Variants in FAM78B observed in about 807,000 individuals in gnomAD.
The protein encoded by FAM78B is protein FAM78B.
A neutral mutation model predicts 20.0 loss-of-function variants in FAM78B; 10 were observed. The observed-to-expected ratio is 0.50, with a 90% confidence interval of 0.31 to 0.85. The LOEUF (loss-of-function observed/expected upper bound fraction) is 0.85. FAM78B is among the 40% of genes least tolerant of loss of function. The probability of loss-of-function intolerance (pLI) is 0.05; values close to 1 mark genes in which losing one functional copy is unlikely to be tolerated. For synonymous variants in FAM78B, 135 were observed against 132.8 expected (o/e 1.02, Z -0.12); for missense variants, 283 against 345.0 (o/e 0.82, Z 1.42).
intron 1 of FAM78B, among the ~76,000 whole-genome samples, chr1:166,161,015 T>C (rs1333357517): frequency 6.6e-6 from 1 of 152,164 alleles, no homozygotes; most frequent in East Asian, 1.9e-4. Context: ...GCTAGAGCAG[T>C]GCAGGGAGGA....
At chr1:166,122,284 G>A (rs1462089920) in intron 1 of FAM78B, among the ~76,000 whole-genome samples, 2 of 152,158 alleles carry the variant, frequency 1.3e-5, no homozygotes, top group Non-Finnish European at 2.9e-5. Flanking sequence ...CCTGAAAGCA[G>A]GAGAGATGGA....
intron 1 of FAM78B, among the ~76,000 whole-genome samples, chr1:166,156,690 G>T (rs1655909268): frequency 6.6e-6 from 1 of 152,186 alleles, no homozygotes; most frequent in African/African-American, 2.4e-5. Flanking sequence ...CTTAAAAATA[G>T]CTTTGGACAC....
At chr1:166,105,358 A>G (rs1231060625) in intron 1 of FAM78B, among the ~76,000 whole-genome samples, 164 of 152,190 alleles carry the variant, frequency 1.1e-3, no homozygotes, top group African/African-American at 3.7e-3. Context: ...GACAAATGGG[A>G]TCTAATTAAA....
intron 1 of FAM78B, among the ~76,000 whole-genome samples, chr1:166,103,457 A>G (rs747577632): frequency 1.5e-4 from 23 of 152,288 alleles, no homozygotes; most frequent in Admixed American, 3.9e-4. Flanking sequence ...AGACGTTAGC[A>G]AGACTAATAA....
chr1:166,086,203 C>A (rs1652822458), intron 1 of FAM78B, among the ~76,000 whole-genome samples: 1 of 152,024 alleles, frequency 6.6e-6, no homozygotes, highest in Admixed American at 6.6e-5. Flanking sequence ...TACCTTTGAC[C>A]CCTCTTCCTG....
At chr1:166,082,163 G>A (rs10800182) in intron 1 of FAM78B, among the ~76,000 whole-genome samples, 152,288 of 152,290 alleles carry the variant, frequency 1, 76,143 homozygotes, top group Non-Finnish European at 1. Context: ...ACTGCACCCA[G>A]ATGTCCATGT....
At chr1:166,161,901 A>G (rs944780485) in intron 1 of FAM78B, among the ~76,000 whole-genome samples, 3 of 152,198 alleles carry the variant, frequency 2.0e-5, no homozygotes, top group Non-Finnish European at 2.9e-5. Context: ...GAAGACACAC[A>G]CACATCTGGA....
chr1:166,142,942 T>C (rs1655332876), intron 1 of FAM78B, among the ~76,000 whole-genome samples: 1 of 152,114 alleles, frequency 6.6e-6, no homozygotes, highest in Non-Finnish European at 1.5e-5. Flanking sequence ...GAGAGGGCCA[T>C]GGTTTGGTCA....
At chr1:166,146,307 G>A (rs984345710) in intron 1 of FAM78B, among the ~76,000 whole-genome samples, 2 of 152,178 alleles carry the variant, frequency 1.3e-5, no homozygotes, top group African/African-American at 4.8e-5. Flanking sequence ...AAGGCATTAT[G>A]TTTATTTAGG....
At position 166,070,414 on chromosome 1, in the gene FAM78B, A is replaced by G. The variant is rs776689898; in HGVS notation, c.613T>C (p.Leu205=). 14 of 1,614,076 alleles carry G rather than the reference A, an allele frequency of 8.7e-6. No homozygotes were observed. In the South Asian group the frequency reaches 1.4e-4, roughly 16 times the overall value. Residue 205 remains leucine, a synonymous_variant, in exon 2 of 2, where the codon TTG becomes CTG. Transcript: ENST00000354422. The part of the protein sequence containing the change: ...VDIEVDPLQL[L]GQRARLVGRT... ...CCCACCAGCCGGGCCCGCTGCCCCA[A>G]GAGCTGAAGAGGGTCCACTTCAATG...
intron 1 of FAM78B, among the ~76,000 whole-genome samples, chr1:166,116,276 C>A (rs1382196853): frequency 6.6e-6 from 1 of 152,210 alleles, no homozygotes; most frequent in Non-Finnish European, 1.5e-5. Context: ...CTGACCAGAA[C>A]CAGAGATGGG....
At chr1:166,061,549 G>A (rs7541280) in intron 2 of FAM78B, among the ~76,000 whole-genome samples, 6,353 of 152,234 alleles carry the variant, frequency 0.042, 416 homozygotes, top group African/African-American at 0.14. Context: ...ATTGTTTGAA[G>A]TCAGTAGACA....
chr1:166,076,248 C>T (rs943416231), intron 1 of FAM78B, among the ~76,000 whole-genome samples: 2 of 152,122 alleles, frequency 1.3e-5, no homozygotes, highest in Non-Finnish European at 2.9e-5. Flanking sequence ...GCTCATGTGG[C>T]CCTACATGAT....
At chr1:166,082,224 C>T (rs1270364455) in intron 1 of FAM78B, among the ~76,000 whole-genome samples, 9 of 152,242 alleles carry the variant, frequency 5.9e-5, no homozygotes, top group Admixed American at 5.9e-4. Context: ...TCACCCCCTC[C>T]CTTCTGGCTC....
chr1:166,079,088 T>C (rs1652460397), intron 1 of FAM78B, among the ~76,000 whole-genome samples: 1 of 152,188 alleles, frequency 6.6e-6, no homozygotes, highest in African/African-American at 2.4e-5. Context: ...TGCACCACCA[T>C]GCCCAGCTAA....
At chr1:166,108,027 A>G (rs1409287514) in intron 1 of FAM78B, among the ~76,000 whole-genome samples, 3 of 152,226 alleles carry the variant, frequency 2.0e-5, no homozygotes, top group Admixed American at 2.0e-4. Context: ...ACAAACCCAC[A>G]GCCAACATAA....
At chr1:166,070,858 T>C in intron 1 of FAM78B, 95 bp from the exon 2 acceptor site, 1 of 1,342,254 alleles carries the variant, frequency 7.5e-7, no homozygotes, top group Non-Finnish European at 9.9e-7. Context: ...ATAGTCAACT[T>C]GGGCAAAATG....
chr1:166,067,820 C>T (rs1293424930), downstream of FAM78B, among the ~76,000 whole-genome samples: 1 of 152,106 alleles, frequency 6.6e-6, no homozygotes, highest in Non-Finnish European at 1.5e-5. Flanking sequence ...TAAGCACTTT[C>T]CCATTTTTTT....
chr1:166,104,397 A>G (rs556915235), intron 1 of FAM78B, among the ~76,000 whole-genome samples: 3 of 152,180 alleles, frequency 2.0e-5, no homozygotes, highest in Non-Finnish European at 4.4e-5. Context: ...TCAATTAGGA[A>G]AAGAGGAAGT....
Sources: gnomAD v4.1 joint callset for allele counts (sites outside exome capture counted in the v4.1 genomes callset) on GRCh38, gnomAD v4.1.1 for gene constraint, MANE v1.5 for transcripts, NCBI Gene and HGNC (gene_info 2026-07-23, HGNC 2026-07-21) for gene names.